The following MAN1C1 variants were observed in gnomAD, a reference collection of about 807,000 sequenced individuals.
The protein encoded by MAN1C1 is mannosyl-oligosaccharide 1,2-alpha-mannosidase IC.
Under a neutral mutation model 71.5 loss-of-function variants are expected in MAN1C1, and 49 were observed. The ratio of observed to expected loss-of-function variants is 0.69; its 90% CI spans 0.54 to 0.87. MAN1C1 has a LOEUF of 0.87. Among genes scored for constraint, MAN1C1 ranks in the 40% least tolerant of loss-of-function variants. The pLI is 0.00. For synonymous variants in MAN1C1, 352 were observed against 343.7 expected, an observed-to-expected ratio of 1.02 and a Z score of -0.27; for missense variants, 743 against 835.0, an observed-to-expected ratio of 0.89 and a Z score of 1.36.
chr1:25,740,101 T>G (rs982789075), intron 2 of MAN1C1, among the ~76,000 whole-genome samples: 1 of 152,106 alleles, frequency 6.6e-6, no homozygotes, highest in Admixed American at 6.5e-5. Flanking sequence ...ACAGAGTGGC[T>G]GGGAAAGCAG....
At chr1:25,648,813 A>G (rs1572119747) in intron 1 of MAN1C1, among the ~76,000 whole-genome samples, 1 of 152,208 alleles carries the variant, frequency 6.6e-6, no homozygotes, top group African/African-American at 2.4e-5. Context: ...TGCACACACA[A>G]ATTTAGTGAG....
Position 25,778,049 on chromosome 1 carries a change from C to T in MAN1C1, c.1258-56C>T, listed in dbSNP as rs1174010376. 5 of 1,330,172 alleles carry T rather than the reference C, an allele frequency of 3.8e-6. No individual in the cohort carries two copies. The highest frequency in any genetic ancestry group is 2.4e-5 in the Admixed American group (1 of 41,874). 82.4% of individuals were successfully genotyped at this position (1,330,172 alleles called of 1,614,324 possible). A position where few individuals can be genotyped will look rare whatever the true frequency, so the allele number is the denominator to read the frequency against. On this transcript the variant is annotated intron_variant, in intron 8 of 11. Transcript: ENST00000374332. This position sits in a 1 kb window ranked among gnomAD's most constrained non-coding sequence, Gnocchi z 5.5. The stretch of plus-strand genomic sequence containing the variant: ...TGTTCATTTTCCATCCTTTCCCCCC[C>T]TTCTCTGTGCCCTCCCACGCCCCTT...
intron 1 of MAN1C1, among the ~76,000 whole-genome samples, chr1:25,665,468 T>G (rs1263035982): frequency 2.0e-5 from 3 of 152,208 alleles, no homozygotes; most frequent in African/African-American, 7.2e-5. Flanking sequence ...TATTCCCCAG[T>G]AGCAAGACGG....
intron 1 of MAN1C1, chr1:25,659,215 G>A (rs996524001): frequency 1.3e-5 from 2 of 152,256 alleles, no homozygotes; most frequent in African/African-American, 2.4e-5. Flanking sequence ...AGGCTGTTTG[G>A]TTCTAGGTGG....
intron 7 of MAN1C1, among the ~76,000 whole-genome samples, chr1:25,768,468 A>G (rs933047512): frequency 9.0e-6 from 1 of 111,590 alleles, no homozygotes; most frequent in Non-Finnish European, 1.8e-5. Context: ...CCCCTCACAC[A>G]CACACATTAC....
chr1:25,757,652 C>T (rs1183818817), intron 5 of MAN1C1, among the ~76,000 whole-genome samples: 11 of 152,164 alleles, frequency 7.2e-5, no homozygotes, highest in African/African-American at 2.4e-4. Flanking sequence ...CGGAGGCATG[C>T]GAGGATTAAG....
chr1:25,657,955 C>T (rs536369580), intron 1 of MAN1C1, among the ~76,000 whole-genome samples: 7 of 152,288 alleles, frequency 4.6e-5, no homozygotes, highest in Admixed American at 6.5e-5. Flanking sequence ...ACCCACCAGC[C>T]GGACCACTGC....
intron 1 of MAN1C1, among the ~76,000 whole-genome samples, chr1:25,669,452 T>C (rs139555652): frequency 6.6e-6 from 1 of 152,282 alleles, no homozygotes; most frequent in East Asian, 1.9e-4. Context: ...GCAAAAGGGC[T>C]GGTACATGGA....
Position 25,617,754 on chromosome 1 carries a change from G to A in MAN1C1, c.-44G>A, listed in dbSNP as rs1372373115. On this transcript the variant is annotated 5_prime_UTR_variant, in exon 1 of 12. The change creates a new upstream start codon in the 5' untranslated region. Coordinates refer to ENST00000374332, the MANE Select transcript of MAN1C1 (RefSeq NM_020379.4). The surrounding 1 kb of genome is among the most constrained non-coding windows in gnomAD (Gnocchi z 5.1). Reference sequence around the variant, plus strand: ...CCCCTCACCGCGCCCCCGCAGACACGTGCCTGGACTCCGAGGGCTTCTGGA... The same window carrying A: ...CCCCTCACCGCGCCCCCGCAGACACATGCCTGGACTCCGAGGGCTTCTGGA... The A allele has an allele frequency of 6.6e-7, 1 of 1,520,980 alleles. No homozygotes were observed. Among genetic ancestry groups the A allele is most frequent in the East Asian group, 2.7e-5 (1 of 37,526 alleles). The allele number at this position is 1,520,980 out of a possible 1,614,324, so 94.2% of individuals were successfully genotyped here.
chr1:25,729,370 A>G (rs1017808504), intron 2 of MAN1C1, among the ~76,000 whole-genome samples: 2 of 152,160 alleles, frequency 1.3e-5, no homozygotes, highest in African/African-American at 4.8e-5. Flanking sequence ...CTCGGCCAGC[A>G]TTTATTGAGA....
At chr1:25,657,798 G>A (rs1217704088) in intron 1 of MAN1C1, among the ~76,000 whole-genome samples, 1 of 152,168 alleles carries the variant, frequency 6.6e-6, no homozygotes, top group Non-Finnish European at 1.5e-5. Context: ...GGCTACCAGC[G>A]CCTTGTATAT....
intron 1 of MAN1C1, among the ~76,000 whole-genome samples, chr1:25,632,059 C>T (rs879904462): frequency 1.6e-4 from 25 of 152,176 alleles, no homozygotes; most frequent in Admixed American, 2.6e-4. Flanking sequence ...ATTACAGATG[C>T]GGGCTGCCGT....
At chr1:25,751,387 C>T (rs957900360) in intron 4 of MAN1C1, among the ~76,000 whole-genome samples, 3 of 145,214 alleles carry the variant, frequency 2.1e-5, no homozygotes, top group African/African-American at 5.0e-5. Flanking sequence ...TTCCCTTCCT[C>T]CCTTCTCTCT....
chr1:25,744,096 C>A (rs2047096091), intron 2 of MAN1C1, among the ~76,000 whole-genome samples: 1 of 152,214 alleles, frequency 6.6e-6, no homozygotes, highest in East Asian at 1.9e-4. Flanking sequence ...CTTCCAGGCC[C>A]TTCAAACGTC....
chr1:25,657,348 G>A (rs186354841), intron 1 of MAN1C1, among the ~76,000 whole-genome samples: 29 of 152,316 alleles, frequency 1.9e-4, no homozygotes, highest in Non-Finnish European at 3.5e-4. Flanking sequence ...GAAGGGCAAG[G>A]GTTATCAGGC....
Position 25,738,632 on chromosome 1 carries a change from C to T in MAN1C1, c.638-8036C>T, listed in dbSNP as rs72662660. Among the ~76,000 whole-genome samples, 1,283 of 152,282 alleles carry T rather than the reference C, an allele frequency of 8.4e-3. 12 individuals are homozygous for T. The highest frequency in any genetic ancestry group is 0.012 in the Non-Finnish European group (839 of 68,024). The stretch of plus-strand genomic sequence containing the variant: ...GAAGGCTTGAAGGCTGAGGCTGACT[C>T]GACAGCTGGGTGGTAGTATTATCTG... On this transcript the variant is annotated intron_variant, in intron 2 of 11. Transcript: ENST00000374332.
Position 25,764,488 on chromosome 1 carries a change from C to T in MAN1C1, c.1141+521C>T, listed in dbSNP as rs1433148058. Among the ~76,000 whole-genome samples the T allele has an allele frequency of 6.6e-6, 1 of 152,060 alleles. No homozygotes were observed. Among genetic ancestry groups the T allele is most frequent in the Non-Finnish European group, 1.5e-5 (1 of 68,016 alleles). Reference sequence around the variant, plus strand: ...AGTGCAGTGGCACGATCTCGGCTCACTGCAACCTCTGCCTCCCAGGTTCAA... The same window carrying T: ...AGTGCAGTGGCACGATCTCGGCTCATTGCAACCTCTGCCTCCCAGGTTCAA... On this transcript the variant is annotated intron_variant, in intron 7 of 11. Coordinates refer to ENST00000374332, the MANE Select transcript of MAN1C1 (RefSeq NM_020379.4). This position sits in a 1 kb window ranked among gnomAD's most constrained non-coding sequence, Gnocchi z 4.4.
intron 1 of MAN1C1, among the ~76,000 whole-genome samples, chr1:25,674,136 T>C (rs560457424): frequency 2.4e-4 from 36 of 152,350 alleles, no homozygotes; most frequent in Middle Eastern, 6.8e-3. Flanking sequence ...GTCTGCACGC[T>C]GCACCAAGAC....
At chr1:25,688,931 G>C (rs1001921216) in intron 2 of MAN1C1, among the ~76,000 whole-genome samples, 2 of 152,186 alleles carry the variant, frequency 1.3e-5, no homozygotes, top group Admixed American at 6.5e-5. Flanking sequence ...CCTTGGCAGG[G>C]CCCAGGGAGC....
Sources: gnomAD v4.1 joint callset for allele counts (sites outside exome capture counted in the v4.1 genomes callset) on GRCh38, gnomAD v4.1.1 for gene constraint, Gnocchi (gnomAD v3.1) non-coding constraint, MANE v1.5 for transcripts, NCBI Gene and HGNC (gene_info 2026-07-23, HGNC 2026-07-21) for gene names.